ST6GALNAC3: variants seen among roughly 807,000 people sequenced by gnomAD.
The protein encoded by ST6GALNAC3 is alpha-N-acetylgalactosaminide alpha-2,6-sialyltransferase 3.
Under a neutral mutation model 32.7 loss-of-function variants are expected in ST6GALNAC3, and 25 were observed. That is an observed-to-expected ratio of 0.76 (90% CI 0.56 to 1.07). ST6GALNAC3 has a LOEUF of 1.07. Ranked by LOEUF, ST6GALNAC3 falls within the 50% of genes least tolerant of loss-of-function variation. The probability of loss-of-function intolerance (pLI) is 0.00; values close to 1 mark genes in which losing one functional copy is unlikely to be tolerated. For synonymous variants in ST6GALNAC3, 129 were observed against 133.1 expected, an observed-to-expected ratio of 0.97 and a Z score of 0.21; for missense variants, 355 against 382.4, an observed-to-expected ratio of 0.93 and a Z score of 0.60.
intron 2 of ST6GALNAC3, among the ~76,000 whole-genome samples, chr1:76,382,052 A>G (rs766076303): frequency 2.5e-4 from 38 of 152,322 alleles, no homozygotes; most frequent in African/African-American, 1.9e-4. Context: ...CAGATTCTCA[A>G]TTGAGAATCT....
intron 3 of ST6GALNAC3, among the ~76,000 whole-genome samples, chr1:76,458,608 C>T (rs1051213482): frequency 1.3e-5 from 2 of 149,658 alleles, no homozygotes; most frequent in African/African-American, 5.0e-5. Flanking sequence ...AATTGGAAAT[C>T]ATCATTCTCA....
chr1:76,354,615 C>T (rs865776514), intron 2 of ST6GALNAC3, among the ~76,000 whole-genome samples: 15 of 152,172 alleles, frequency 9.9e-5, no homozygotes, highest in Admixed American at 3.9e-4. Flanking sequence ...AGTAATCCAT[C>T]AGGTTTTATG....
At chr1:76,526,980 G>A (rs1662952051) in intron 3 of ST6GALNAC3, among the ~76,000 whole-genome samples, 2 of 152,030 alleles carry the variant, frequency 1.3e-5, no homozygotes, top group African/African-American at 4.8e-5. Flanking sequence ...AGGAGAATGG[G>A]TAGAAAATGA....
intron 1 of ST6GALNAC3, among the ~76,000 whole-genome samples, chr1:76,228,936 G>T (rs574226254): frequency 1.2e-4 from 19 of 152,140 alleles, no homozygotes; most frequent in Admixed American, 2.6e-4. Context: ...AGATATCTGA[G>T]CAGAGAATAG....
rs749719064 is a variant in ST6GALNAC3 at position 76,628,622 on chromosome 1, C to T, written c.734C>T (p.Thr245Ile). Reference protein sequence around the residue: ...YGMINDTYCKTEGYRKVPYHY... With the variant: ...YGMINDTYCKIEGYRKVPYHY... ...TTTTCTTTTTTTTTCTTTTCTAGGA[C>T]AGAAGGGTATAGAAAAGTCCCCTAC... The change falls in exon 5 of 5, where the codon ACA becomes ATA. Residue 245 changes from threonine (T) to isoleucine (I), a missense_variant and splice_region_variant. Thr to Ile is a moderately conservative substitution (Grantham distance 89, BLOSUM62 -1). Coordinates refer to ENST00000328299, the MANE Select transcript of ST6GALNAC3 (RefSeq NM_152996.4). 4 of 1,592,494 alleles carry T rather than the reference C, an allele frequency of 2.5e-6. No homozygotes were observed. The African/African-American group carries it at 5.5e-5, about 22-fold the overall frequency.
At chr1:76,540,429 C>T (rs1312977525) in intron 3 of ST6GALNAC3, among the ~76,000 whole-genome samples, 2 of 152,014 alleles carry the variant, frequency 1.3e-5, no homozygotes, top group African/African-American at 4.8e-5. Context: ...ACACACTATA[C>T]CTATGTAACA....
intron 3 of ST6GALNAC3, among the ~76,000 whole-genome samples, chr1:76,581,945 A>C (rs1284856556): frequency 6.6e-6 from 1 of 152,154 alleles, no homozygotes; most frequent in Non-Finnish European, 1.5e-5. Flanking sequence ...CAGCTCTGAC[A>C]GTTTCTTCTT....
chr1:76,313,852 G>T lies in ST6GALNAC3; in HGVS notation c.66G>T (p.Leu22=). Residue 22 remains leucine (L), a synonymous_variant, in exon 2 of 5, where the codon CTG becomes CTT. Transcript: ENST00000328299. Reference sequence around the variant, plus strand: ...GCTTCATAGCAGCGTTCCTTTTCCTGCTGGTTGTGCGTCTTGTAAATGAAG... The same window carrying T: ...GCTTCATAGCAGCGTTCCTTTTCCTTCTGGTTGTGCGTCTTGTAAATGAAG... ...AVSFIAAFLF[L]LVVRLVNEVN... 1 of 1,613,526 alleles carries T rather than the reference G, an allele frequency of 6.2e-7. No individual in the cohort carries two copies. The highest frequency in any genetic ancestry group is 8.5e-7 in the Non-Finnish European group (1 of 1,179,714).
intron 3 of ST6GALNAC3, among the ~76,000 whole-genome samples, chr1:76,601,366 T>C (rs188986512): frequency 5.0e-4 from 76 of 152,328 alleles, no homozygotes; most frequent in African/African-American, 1.7e-3. Context: ...TTGATGGAAG[T>C]ATGTAGTTAT....
chr1:76,163,086 G>A (rs1570264403), intron 1 of ST6GALNAC3, among the ~76,000 whole-genome samples: 1 of 152,200 alleles, frequency 6.6e-6, no homozygotes, highest in Non-Finnish European at 1.5e-5. Flanking sequence ...AGCAGCTTGA[G>A]TGCCTACCTT....
chr1:76,423,040 G>T (rs1418842301), intron 3 of ST6GALNAC3, among the ~76,000 whole-genome samples: 2 of 151,924 alleles, frequency 1.3e-5, no homozygotes, highest in African/African-American at 2.4e-5. Flanking sequence ...TTTGAATCAA[G>T]AATCAACATT....
chr1:76,095,518 A>G lies in ST6GALNAC3; in HGVS notation c.18+20634A>G, dbSNP rs75141577. ...AACTGTTTTCTCCAGGCAGTGGGTC[A>G]GACTGTTCCCAAAGTGTGATCTTAC... is the stretch of plus-strand genomic sequence containing the variant. On this transcript the variant is annotated intron_variant, in intron 1 of 4. Coordinates refer to ENST00000328299, the MANE Select transcript of ST6GALNAC3 (RefSeq NM_152996.4). 5.4e-3 allele frequency among the ~76,000 whole-genome samples: 824 copies of G among 152,288 alleles called. 6 individuals are homozygous for G. The highest frequency in any genetic ancestry group is 0.019 in the African/African-American group (780 of 41,574).
intron 1 of ST6GALNAC3, among the ~76,000 whole-genome samples, chr1:76,080,589 T>C (rs1199306395): frequency 6.7e-6 from 1 of 149,242 alleles, no homozygotes; most frequent in Non-Finnish European, 1.5e-5. Context: ...TTAACTTTTG[T>C]CATGATCATT....
In ST6GALNAC3 at chr1:76,118,968, G is replaced by A. The variant is rs184985627; in HGVS notation, c.18+44084G>A. ...CTCCTGAGTAGCTGGGATTACAGGC[G>A]TGCGCCACCATGCCCAGCTAATTTT... On this transcript the variant is annotated intron_variant, in intron 1 of 4. Transcript: ENST00000328299. Among the ~76,000 whole-genome samples, 687 of 152,182 alleles carry A rather than the reference G, an allele frequency of 4.5e-3. 4 individuals are homozygous for A. Among genetic ancestry groups the A allele is most frequent in the Middle Eastern group, 0.01 (3 of 294 alleles).
chr1:76,608,690 C>A (rs1453524727), intron 3 of ST6GALNAC3, among the ~76,000 whole-genome samples: 1 of 145,646 alleles, frequency 6.9e-6, no homozygotes, highest in East Asian at 2.1e-4. Flanking sequence ...CTTTTTATAA[C>A]CTGTTTAAAA....
intron 3 of ST6GALNAC3, among the ~76,000 whole-genome samples, chr1:76,443,578 G>T (rs534198788): frequency 2.0e-5 from 3 of 152,262 alleles, no homozygotes; most frequent in African/African-American, 7.2e-5. Context: ...GTGGCCCTTT[G>T]TAATTCCTAA....
At chr1:76,626,707 A>T (rs1366382260) in intron 3 of ST6GALNAC3, among the ~76,000 whole-genome samples, 3 of 151,742 alleles carry the variant, frequency 2.0e-5, no homozygotes, top group Admixed American at 6.6e-5. Context: ...TGTTCCCATG[A>T]TCAAAGAAGG....
intron 2 of ST6GALNAC3, among the ~76,000 whole-genome samples, chr1:76,399,891 T>C (rs1287437323): frequency 6.6e-6 from 1 of 152,200 alleles, no homozygotes; most frequent in Admixed American, 6.5e-5. Context: ...AAATACAACA[T>C]ATTTGGATTC....
chr1:76,245,844 G>C (rs1657227633), intron 1 of ST6GALNAC3, among the ~76,000 whole-genome samples: 1 of 152,164 alleles, frequency 6.6e-6, no homozygotes, highest in Non-Finnish European at 1.5e-5. Context: ...GTCAATTTTA[G>C]AATAAGTGCC....
Sources: gnomAD v4.1 joint callset for allele counts (sites outside exome capture counted in the v4.1 genomes callset) on GRCh38, gnomAD v4.1.1 for gene constraint, MANE v1.5 for transcripts, NCBI Gene and HGNC (gene_info 2026-07-23, HGNC 2026-07-21) for gene names.